Variants in HS3ST5 observed in about 807,000 individuals in gnomAD.
The protein encoded by HS3ST5 is heparan sulfate glucosamine 3-O-sulfotransferase 5.
In HS3ST5, 10 loss-of-function variants were observed where a neutral mutation model predicts 25.4. The observed-to-expected ratio is 0.39, with a 90% CI of 0.24 to 0.67. HS3ST5 has a LOEUF of 0.67. HS3ST5 is among the 30% of genes least tolerant of loss of function. HS3ST5 has a pLI of 0.44. For missense variants in HS3ST5, 324 were observed against 420.7 expected, an observed-to-expected ratio of 0.77 and a Z score of 2.01; for synonymous variants, 170 against 162.4, an observed-to-expected ratio of 1.05 and a Z score of -0.36.
At chr6:114,318,331 G>A (rs767173362) in intron 1 of HS3ST5, among the ~76,000 whole-genome samples, 3 of 151,966 alleles carry the variant, frequency 2.0e-5, no homozygotes, top group Non-Finnish European at 2.9e-5. Flanking sequence ...AAATCCATGT[G>A]GATTATCTTC....
chr6:114,057,652 C>A lies in HS3ST5; in HGVS notation c.646G>T (p.Asp216Tyr). Residue 216 changes from aspartate (D) to tyrosine (Y), a missense_variant, in exon 5 of 5, where the codon GAC becomes TAC. Physicochemically the swap from Asp to Tyr is radical, Grantham distance 160. Around this residue, in one of 2 missense-constraint regions of HS3ST5, gnomAD observed 203 missense variants for 303.4 expected, o/e 0.67. Transcript: ENST00000312719. Reference sequence around the variant, plus strand: ...GTGTTCACTTCGCATGTATTAGGGTCTATGGCCAGCTTCTCAAACTTGTAA... The same window carrying A: ...GTGTTCACTTCGCATGTATTAGGGTATATGGCCAGCTTCTCAAACTTGTAA... ...TYYKFEKLAIDPNTCEVNTKY... is the reference protein window; with the variant it reads ...TYYKFEKLAIYPNTCEVNTKY... 6.2e-7 allele frequency: 1 copy of A among 1,614,160 alleles called. No individual in the cohort carries two copies. The highest frequency in any genetic ancestry group is 8.5e-7 in the Non-Finnish European group (1 of 1,180,028).
chr6:114,095,064 G>T (rs552766920), intron 3 of HS3ST5, among the ~76,000 whole-genome samples: 1 of 152,308 alleles, frequency 6.6e-6, no homozygotes, highest in East Asian at 1.9e-4. Context: ...CTGAAGCAGG[G>T]AACTCAGCTA....
chr6:114,322,560 T>A (rs1020805849), intron 1 of HS3ST5, among the ~76,000 whole-genome samples: 1 of 152,152 alleles, frequency 6.6e-6, no homozygotes, highest in Admixed American at 6.6e-5. Context: ...ATAAATTCCC[T>A]GTTGATAATG....
chr6:114,263,687 T>C (rs1773278652), intron 1 of HS3ST5, among the ~76,000 whole-genome samples: 1 of 152,090 alleles, frequency 6.6e-6, no homozygotes, highest in Non-Finnish European at 1.5e-5. Context: ...TCCATAAAGG[T>C]ATTTAGGAAC....
At chr6:114,196,080 C>A (rs962357592) in intron 2 of HS3ST5, among the ~76,000 whole-genome samples, 2 of 152,136 alleles carry the variant, frequency 1.3e-5, no homozygotes, top group South Asian at 2.1e-4. Flanking sequence ...AAAACAGCAA[C>A]CCTCTTCTGG....
chr6:114,317,815 T>TGGGGGGGGGGGGGGGGGGGG (rs1306074486), intron 1 of HS3ST5, among the ~76,000 whole-genome samples: 1 of 34,692 alleles, frequency 2.9e-5, no homozygotes. Context: ...GGGGGTAGGC[T>TGGGGGGGGGGGGGGGGGGGG]GGAGGGCGGG....
At chr6:114,288,583 G>A (rs1030119271) in intron 1 of HS3ST5, among the ~76,000 whole-genome samples, 2 of 152,006 alleles carry the variant, frequency 1.3e-5, no homozygotes, top group African/African-American at 2.4e-5. Flanking sequence ...CTGAGCTGCT[G>A]TGCATAGGCA....
At chr6:114,142,288 GA>G (rs1417628915) in intron 3 of HS3ST5, among the ~76,000 whole-genome samples, 1 of 152,164 alleles carries the variant, frequency 6.6e-6, no homozygotes, top group Non-Finnish European at 1.5e-5. Context: ...TTAAAACATG[GA>G]AAAAGTCCTG....
rs760077446 is a variant in HS3ST5, at chr6:114,216,728, TAAAAA to T, written c.-145+11852_-145+11856del. ...AGATAGAGAACAGAATCGTCCTCCTTAAAAAAAAAAAAAAAAAAAAAAGGAAAAGA... is the reference window on the plus strand; with the variant it reads ...AGATAGAGAACAGAATCGTCCTCCTTAAAAAAAAAAAAAAAAAGGAAAAGA... On this transcript the variant is annotated intron_variant, in intron 2 of 4. Coordinates refer to ENST00000312719, the MANE Select transcript of HS3ST5 (RefSeq NM_153612.4). 2.2e-4 allele frequency among the ~76,000 whole-genome samples: 20 copies of T among 90,166 alleles called. No homozygotes were observed. The South Asian group carries it at 6.3e-3, about 29-fold the overall frequency. The allele number at this position is 90,166 out of a possible 152,430, so 59.2% of individuals were successfully genotyped here.
intron 3 of HS3ST5, among the ~76,000 whole-genome samples, chr6:114,114,013 ATAGTT>A (rs1184612728): frequency 2.6e-5 from 4 of 152,114 alleles, no homozygotes; most frequent in Non-Finnish European, 5.9e-5. Flanking sequence ...CCTCAAATGA[ATAGTT>A]TATACCTAAC....
chr6:114,218,674 G>A (rs978185535), intron 2 of HS3ST5, among the ~76,000 whole-genome samples: 1 of 152,192 alleles, frequency 6.6e-6, no homozygotes, highest in Non-Finnish European at 1.5e-5. Context: ...AATGAAAAAT[G>A]CCATTCCCTG....
In HS3ST5 at chr6:114,161,544, T is replaced by TAA. The variant is rs1562220901; in HGVS notation, c.-33+6806_-33+6807insTT. On this transcript the variant is annotated intron_variant, in intron 3 of 4. Transcript: ENST00000312719. ...TTTTATATATATATATATATATATA[T>TAA]ATATATATATATATATATATATATA... is the stretch of plus-strand genomic sequence containing the variant. Among the ~76,000 whole-genome samples, 41 of 80,716 alleles carry TAA rather than the reference T, an allele frequency of 5.1e-4. 1 individual carries two copies. The highest frequency in any genetic ancestry group is 1.6e-3 in the African/African-American group (39 of 23,708). The allele number at this position is 80,716 out of a possible 152,430, so 53.0% of individuals were successfully genotyped here.
intron 3 of HS3ST5, among the ~76,000 whole-genome samples, chr6:114,162,365 C>T (rs539116963): frequency 1.2e-4 from 18 of 152,260 alleles, no homozygotes; most frequent in Admixed American, 7.2e-4. Context: ...CCTTCTGTCA[C>T]GTCTTCCTTT....
Position 114,057,083 on chromosome 6 carries a change from G to C in HS3ST5, c.*174C>G. 2.1e-6 allele frequency: 1 copy of C among 482,240 alleles called. No homozygotes were observed. The highest frequency in any genetic ancestry group is 3.5e-6 in the Non-Finnish European group (1 of 281,892). 29.9% of individuals were successfully genotyped at this position (482,240 alleles called of 1,614,324 possible). A position where few individuals can be genotyped will look rare whatever the true frequency, so the allele number is the denominator to read the frequency against. On this transcript the variant is annotated 3_prime_UTR_variant, in exon 5 of 5. Coordinates refer to ENST00000312719, the MANE Select transcript of HS3ST5 (RefSeq NM_153612.4). ...TGCAGACAGCAATTTTTTTTTTTTCGTAAATTTTCAGTAGAAAAAGAACTG... is the reference window on the plus strand; with the variant it reads ...TGCAGACAGCAATTTTTTTTTTTTCCTAAATTTTCAGTAGAAAAAGAACTG...
intron 3 of HS3ST5, among the ~76,000 whole-genome samples, chr6:114,067,637 CT>C (rs756844512): frequency 6.0e-4 from 91 of 152,168 alleles, no homozygotes; most frequent in Non-Finnish European, 1.1e-3. Context: ...AGGTTTTTCT[CT>C]CTTCAGGAGA....
chr6:114,244,769 C>T (rs752019713), intron 1 of HS3ST5, among the ~76,000 whole-genome samples: 42 of 152,258 alleles, frequency 2.8e-4, no homozygotes, highest in Non-Finnish European at 5.9e-4. Flanking sequence ...TAAGGAGCTT[C>T]CCCAGGTAGA....
intron 1 of HS3ST5, among the ~76,000 whole-genome samples, chr6:114,270,262 T>A: frequency 6.6e-6 from 1 of 152,288 alleles, no homozygotes; most frequent in African/African-American, 2.4e-5. Flanking sequence ...AAATAAGTAA[T>A]TTAATTAGTC....
chr6:114,132,751 G>C (rs1173932068), intron 3 of HS3ST5, among the ~76,000 whole-genome samples: 1 of 152,168 alleles, frequency 6.6e-6, no homozygotes, highest in Non-Finnish European at 1.5e-5. Flanking sequence ...TGTGAACGAA[G>C]GCTGGGTTTT....
intron 1 of HS3ST5, among the ~76,000 whole-genome samples, chr6:114,341,202 GAGGGAA>G (rs1562281351): frequency 8.8e-6 from 1 of 113,374 alleles, no homozygotes; most frequent in African/African-American, 3.4e-5. Flanking sequence ...GGGAGAGGGA[GAGGGAA>G]TAGGGAGAGA....
Sources: allele counts gnomAD v4.1 joint callset (sites outside exome capture counted in the v4.1 genomes callset), GRCh38; gene constraint gnomAD v4.1.1; regional missense constraint gnomAD v4.1.1; transcripts MANE v1.5; gene names NCBI Gene and HGNC (gene_info 2026-07-23, HGNC 2026-07-21).